Variants in DCC observed in about 807,000 individuals in gnomAD.
DCC encodes DCC netrin 1 receptor.
DCC carries 58 observed loss-of-function variants against 172.5 expected under a neutral mutation model. That is an observed-to-expected ratio of 0.34 (90% CI 0.27 to 0.42). The LOEUF is 0.42. DCC is among the 10% of genes least tolerant of loss of function. DCC has a pLI of 1.00. For missense variants in DCC, 1,740 were observed against 1,791.0 expected (o/e 0.97, Z 0.51); for synonymous variants, 709 against 644.5 (o/e 1.10, Z -1.52).
intron 2 of DCC, among the ~76,000 whole-genome samples, chr18:52,756,481 T>C (rs1267376467): frequency 6.6e-6 from 1 of 152,202 alleles, no homozygotes; most frequent in African/African-American, 2.4e-5. Context: ...CTCACCCATA[T>C]ATGTGCATAC....
At chr18:52,744,285 C>A (rs1186792424) in intron 1 of DCC, among the ~76,000 whole-genome samples, 1 of 152,118 alleles carries the variant, frequency 6.6e-6, no homozygotes, top group Non-Finnish European at 1.5e-5. Context: ...TCTGGCAACT[C>A]TAATGAGGGA....
At chr18:53,508,751 A>G (rs940088135) in intron 27 of DCC, among the ~76,000 whole-genome samples, 2 of 152,142 alleles carry the variant, frequency 1.3e-5, no homozygotes, top group Admixed American at 6.5e-5. Context: ...ACCTTATGAG[A>G]GACGGTGAGC....
chr18:53,086,004 C>CTTATTATTATTATTATTATTAT (rs1189833400), intron 7 of DCC, among the ~76,000 whole-genome samples: 5 of 25,120 alleles, frequency 2.0e-4, no homozygotes, highest in African/African-American at 1.4e-3. Context: ...TCTCCTTCTT[C>CTTATTATTATTATTATTATTAT]TCCTTCTCCT....
At chr18:53,345,742 T>C (rs1433814065) in intron 15 of DCC, among the ~76,000 whole-genome samples, 1 of 150,972 alleles carries the variant, frequency 6.6e-6, no homozygotes, top group African/African-American at 2.4e-5. Flanking sequence ...TCACTGGATA[T>C]AGAATTCCGC....
rs33955494 is a variant in DCC, at chr18:52,643,958, G to GTT, written c.92-108087_92-108086dup. Among the ~76,000 whole-genome samples the GTT allele has an allele frequency of 4.2e-3, 621 of 149,590 alleles. 1 individual carries two copies. The highest frequency in any genetic ancestry group is 0.012 in the African/African-American group (477 of 40,936). On this transcript the variant is annotated intron_variant, in intron 1 of 28. Transcript: ENST00000442544. ...ATTAATAGTCAAGAACAGTATTTTG[G>GTT]TTTTTTTTTTCTTCCTCTTCAAAAG... is the stretch of plus-strand genomic sequence containing the variant.
chr18:53,317,904 A>G (rs1233364658), intron 13 of DCC, among the ~76,000 whole-genome samples: 1 of 151,966 alleles, frequency 6.6e-6, no homozygotes, highest in Non-Finnish European at 1.5e-5. Flanking sequence ...CTAGTGGTCT[A>G]TTTTGTTAAT....
At chr18:53,068,403 T>A (rs2042604003) in intron 7 of DCC, among the ~76,000 whole-genome samples, 1 of 145,630 alleles carries the variant, frequency 6.9e-6, no homozygotes, top group African/African-American at 2.6e-5. Context: ...CCTAATGCTA[T>A]CCCTCTCCCT....
chr18:52,617,670 TG>T (rs2034408860), intron 1 of DCC, among the ~76,000 whole-genome samples: 1 of 152,218 alleles, frequency 6.6e-6, no homozygotes, highest in African/African-American at 2.4e-5. Flanking sequence ...TTGTTTTTAT[TG>T]TCTTATCTTT....
At chr18:53,524,942 T>G (rs1017047018) in intron 27 of DCC, among the ~76,000 whole-genome samples, 1 of 151,948 alleles carries the variant, frequency 6.6e-6, no homozygotes, top group African/African-American at 2.4e-5. Flanking sequence ...CAGGATTGTT[T>G]TGAAAAATAG....
intron 18 of DCC, 87 bp downstream of exon 18, chr18:53,397,533 C>T: frequency 7.3e-7 from 1 of 1,366,294 alleles, no homozygotes; most frequent in East Asian, 2.3e-5. Context: ...CCTATGGTGT[C>T]TCAATTATAC....
chr18:53,351,350 C>CATATATATATATATATAT (rs2057798493), intron 15 of DCC, among the ~76,000 whole-genome samples: 6 of 41,982 alleles, frequency 1.4e-4, no homozygotes, highest in African/African-American at 4.6e-4. Context: ...TATATATATA[C>CATATATATATATATATAT]ACAGTATATA....
At chr18:52,969,623 T>TCTCTCTCTC (rs2040995069) in intron 5 of DCC, among the ~76,000 whole-genome samples, 1 of 96,280 alleles carries the variant, frequency 1.0e-5, no homozygotes, top group African/African-American at 4.4e-5. Context: ...CTCTCTCTCT[T>TCTCTCTCTC]TCTGTGACTC....
At chr18:52,774,742 C>T (rs916947465) in intron 2 of DCC, among the ~76,000 whole-genome samples, 19 of 133,602 alleles carry the variant, frequency 1.4e-4, no homozygotes, top group Non-Finnish European at 1.6e-5. Flanking sequence ...CTGGACTAGC[C>T]TTTGCCTGCT....
intron 25 of DCC, among the ~76,000 whole-genome samples, chr18:53,486,390 C>A (rs1414070591): frequency 6.6e-6 from 1 of 152,132 alleles, no homozygotes; most frequent in Admixed American, 6.5e-5. Flanking sequence ...AAATTCCCAA[C>A]ATTTTTTCAA....
chr18:53,241,648 A>G (rs903917553), intron 12 of DCC, among the ~76,000 whole-genome samples: 4 of 152,144 alleles, frequency 2.6e-5, no homozygotes, highest in Non-Finnish European at 5.9e-5. Context: ...GGCCCAGACA[A>G]AGAACCTCTG....
At chr18:53,408,902 A>G (rs1228900458) in intron 19 of DCC, among the ~76,000 whole-genome samples, 1 of 152,198 alleles carries the variant, frequency 6.6e-6, no homozygotes, top group Non-Finnish European at 1.5e-5. Flanking sequence ...AATCCTACGT[A>G]ATCAGAAGGA....
chr18:53,186,563 A>C (rs2055285065), intron 9 of DCC, among the ~76,000 whole-genome samples: 2 of 152,202 alleles, frequency 1.3e-5, no homozygotes, highest in Non-Finnish European at 1.5e-5. Flanking sequence ...GGAATAAGGC[A>C]TTTTAATCAC....
chr18:52,433,831 C>T (rs781085424), intron 1 of DCC, among the ~76,000 whole-genome samples: 7 of 152,084 alleles, frequency 4.6e-5, no homozygotes, highest in Non-Finnish European at 8.8e-5. Context: ...AGGTTTCTTG[C>T]AAATTTTAGG....
intron 5 of DCC, among the ~76,000 whole-genome samples, chr18:53,004,239 T>C (rs2041611155): frequency 6.6e-6 from 1 of 152,226 alleles, no homozygotes; most frequent in Non-Finnish European, 1.5e-5. Context: ...CTACTTTTTA[T>C]ATGGAGCTTT....
Sources: gnomAD v4.1 joint callset for allele counts (sites outside exome capture counted in the v4.1 genomes callset) on GRCh38, gnomAD v4.1.1 for gene constraint, MANE v1.5 for transcripts, NCBI Gene and HGNC (gene_info 2026-07-23, HGNC 2026-07-21) for gene names.